LARGE1: variants seen among roughly 807,000 people sequenced by gnomAD.
LARGE1 encodes LARGE xylosyl- and glucuronyltransferase 1, also known as xylosyl- and glucuronyltransferase LARGE1.
Under a neutral mutation model 87.6 loss-of-function variants are expected in LARGE1, and 43 were observed. The observed-to-expected ratio is 0.49, with a 90% CI of 0.38 to 0.63. The LOEUF is 0.63. Ranked by LOEUF, LARGE1 falls within the 30% of genes least tolerant of loss-of-function variation. LARGE1 has a pLI of 0.00. For missense variants in LARGE1, 802 were observed against 1,000.2 expected, an observed-to-expected ratio of 0.80 and a Z score of 2.67; for synonymous variants, 434 against 394.6, an observed-to-expected ratio of 1.10 and a Z score of -1.18.
At chr22:33,817,859 G>A (rs1174207179) in intron 1 of LARGE1, among the ~76,000 whole-genome samples, 1 of 151,966 alleles carries the variant, frequency 6.6e-6, no homozygotes, top group African/African-American at 2.4e-5. Context: ...CGGTAAGGTA[G>A]GACAAAATCA....
the LARGE1 span, among the ~76,000 whole-genome samples, chr22:33,119,898 G>A: frequency 1.2e-4 from 18 of 152,022 alleles, no homozygotes; most frequent in African/African-American, 4.1e-4. Flanking sequence ...TCTGATAATC[G>A]AGGTGTCTCC....
intron 7 of LARGE1, among the ~76,000 whole-genome samples, chr22:33,425,524 A>C (rs1182215998): frequency 2.0e-5 from 3 of 152,200 alleles, no homozygotes; most frequent in African/African-American, 7.2e-5. Flanking sequence ...CAGAAAGATG[A>C]ATGAGAACCT....
At chr22:33,814,569 G>A (rs532490748) in intron 1 of LARGE1, among the ~76,000 whole-genome samples, 1 of 152,232 alleles carries the variant, frequency 6.6e-6, no homozygotes, top group South Asian at 2.1e-4. Flanking sequence ...GGCCTTAAGA[G>A]GAAAAACTGA....
chr22:33,598,241 T>G (rs925831708), intron 5 of LARGE1, among the ~76,000 whole-genome samples: 1 of 152,204 alleles, frequency 6.6e-6, no homozygotes, highest in East Asian at 1.9e-4. Context: ...TTACATGATT[T>G]GTAGTTAGTT....
At chr22:33,343,348 A>C (rs942645292) in intron 9 of LARGE1, among the ~76,000 whole-genome samples, 1 of 152,084 alleles carries the variant, frequency 6.6e-6, no homozygotes, top group Admixed American at 6.6e-5. Flanking sequence ...TCAAACTCCT[A>C]AACTGAAGTG....
intron 9 of LARGE1, among the ~76,000 whole-genome samples, chr22:33,367,705 G>A (rs1029082447): frequency 1.3e-5 from 2 of 152,114 alleles, no homozygotes; most frequent in African/African-American, 4.8e-5. Flanking sequence ...GGGATTACAG[G>A]CATGAGTCAC....
chr22:33,503,245 T>C (rs984894786), intron 6 of LARGE1, among the ~76,000 whole-genome samples: 2 of 150,210 alleles, frequency 1.3e-5, no homozygotes, highest in African/African-American at 4.9e-5. Flanking sequence ...AGTTCCCCTT[T>C]TTTTTTTTTT....
rs117296038 is a variant in LARGE1, at chr22:33,302,502, G to A, written c.1730+1727C>T. Among the ~76,000 whole-genome samples, 143 of 152,314 alleles carry A rather than the reference G, an allele frequency of 9.4e-4. 1 individual carries two copies. The highest frequency in any genetic ancestry group is 3.4e-3 in the Middle Eastern group (1 of 294). On this transcript the variant is annotated intron_variant, in intron 12 of 14. Coordinates refer to ENST00000397394, the MANE Select transcript of LARGE1 (RefSeq NM_133642.5). Reference sequence around the variant, plus strand: ...ACTCAGAAGCTGGAGAGAGAACACAGGCTGCCTGACCTTGCTCCAGACAGC... The same window carrying A: ...ACTCAGAAGCTGGAGAGAGAACACAAGCTGCCTGACCTTGCTCCAGACAGC...
chr22:33,637,434 G>T (rs1349507217), intron 3 of LARGE1, among the ~76,000 whole-genome samples: 1 of 152,178 alleles, frequency 6.6e-6, no homozygotes. Flanking sequence ...CCATGGTGTG[G>T]TAGCCAGCCT....
At chr22:33,891,368 C>T (rs2065000752) in intron 1 of LARGE1, among the ~76,000 whole-genome samples, 1 of 151,632 alleles carries the variant, frequency 6.6e-6, no homozygotes, top group Non-Finnish European at 1.5e-5. Context: ...AAGATTTATT[C>T]ACTTTTTGTT....
intron 11 of LARGE1, among the ~76,000 whole-genome samples, chr22:33,255,025 C>T (rs932520040): frequency 2.0e-5 from 3 of 151,598 alleles, no homozygotes; most frequent in Non-Finnish European, 2.9e-5. Context: ...GCAACCTCCG[C>T]CCCCCAGGTT....
chr22:33,153,157 G>C, the LARGE1 span, among the ~76,000 whole-genome samples: 4 of 151,944 alleles, frequency 2.6e-5, no homozygotes, highest in Non-Finnish European at 4.4e-5. Context: ...TATCTTCATT[G>C]ACTTTTAAAT....
intron 6 of LARGE1, among the ~76,000 whole-genome samples, chr22:33,476,817 C>T (rs891697915): frequency 5.9e-5 from 9 of 151,956 alleles, no homozygotes; most frequent in Non-Finnish European, 8.8e-5. Context: ...ACTCAAACGG[C>T]GATGTCAGAG....
intron 12 of LARGE1, among the ~76,000 whole-genome samples, chr22:33,293,606 G>C (rs1417509409): frequency 6.6e-6 from 1 of 152,210 alleles, no homozygotes; most frequent in South Asian, 2.1e-4. Context: ...GCAGTAGTGG[G>C]AGAGTGGTTA....
rs1432357463 is a variant in LARGE1 at position 33,295,258 on chromosome 22, A to T, written c.1730+8971T>A. ...ATTCCTGGCAAGGTGTGTGGGCATG[A>T]ACCAGTGAGCTAGTGATGTGTGATG... On this transcript the variant is annotated intron_variant, in intron 12 of 14. Coordinates refer to ENST00000397394, the MANE Select transcript of LARGE1 (RefSeq NM_133642.5). 3.9e-5 allele frequency among the ~76,000 whole-genome samples: 6 copies of T among 152,298 alleles called. No individual in the cohort carries two copies. In the East Asian group the frequency reaches 1.2e-3, roughly 29 times the overall value.
At chr22:33,822,169 T>C (rs146364944) in intron 1 of LARGE1, among the ~76,000 whole-genome samples, 19 of 152,308 alleles carry the variant, frequency 1.2e-4, no homozygotes, top group Non-Finnish European at 1.6e-4. Flanking sequence ...GCACTATGTG[T>C]GCCCTTGGGA....
chr22:33,293,711 G>A (rs894294320), intron 12 of LARGE1, among the ~76,000 whole-genome samples: 1 of 152,206 alleles, frequency 6.6e-6, no homozygotes, highest in African/African-American at 2.4e-5. Context: ...CACCTTGAAT[G>A]AGCAAAGTGG....
intron 6 of LARGE1, among the ~76,000 whole-genome samples, chr22:33,478,342 C>G (rs993213646): frequency 6.6e-6 from 1 of 152,246 alleles, no homozygotes; most frequent in African/African-American, 2.4e-5. Context: ...AGGCTTAAAC[C>G]AGTTTCACCC....
intron 6 of LARGE1, among the ~76,000 whole-genome samples, chr22:33,519,235 C>CGCGT (rs112192440): frequency 4.0e-5 from 6 of 149,646 alleles, no homozygotes; most frequent in African/African-American, 9.8e-5. Context: ...CGTGCGCGCG[C>CGCGT]GTGTGTGTGT....
Sources: allele counts gnomAD v4.1 joint callset (sites outside exome capture counted in the v4.1 genomes callset), GRCh38; gene constraint gnomAD v4.1.1; transcripts MANE v1.5; gene names NCBI Gene and HGNC (gene_info 2026-07-23, HGNC 2026-07-21).